The following DISC1 variants were observed in gnomAD, a reference collection of about 807,000 sequenced individuals.
The protein encoded by DISC1 is DISC1 scaffold protein.
In DISC1, 57 loss-of-function variants were observed where a neutral mutation model predicts 84.5. The observed-to-expected ratio is 0.67, with a 90% CI of 0.55 to 0.84. DISC1 has a LOEUF of 0.84. Ranked by LOEUF, DISC1 falls within the 40% of genes least tolerant of loss-of-function variation. The pLI, the probability that DISC1 is intolerant of heterozygous loss-of-function variation, is 0.00. For missense variants in DISC1, 1,000 were observed against 1,057.8 expected (o/e 0.95, Z 0.76); for synonymous variants, 411 against 415.2 (o/e 0.99, Z 0.12).
chr1:231,658,939 C>CT lies in DISC1; in HGVS notation c.67+32014dup, dbSNP rs535515269. 3.6e-3 allele frequency among the ~76,000 whole-genome samples: 542 copies of CT among 150,968 alleles called. 4 individuals are homozygous for CT. Among genetic ancestry groups the CT allele is most frequent in the African/African-American group, 0.013 (520 of 41,204 alleles). The stretch of plus-strand genomic sequence containing the variant: ...ATTAAGGATATCGGCCTGAGGTTTT[C>CT]TTTTTTTTTGTTGTATCTCTGCCAG... On this transcript the variant is annotated intron_variant, in intron 1 of 12. Transcript: ENST00000439617.
intron 1 of DISC1, among the ~76,000 whole-genome samples, chr1:231,691,802 C>T (rs992499079): frequency 1.3e-5 from 2 of 152,186 alleles, no homozygotes; most frequent in Non-Finnish European, 1.5e-5. Context: ...GAGGGCCTCT[C>T]TCTGCCCCCT....
chr1:231,867,198 T>C (rs2125938891), intron 9 of DISC1, among the ~76,000 whole-genome samples: 1 of 152,292 alleles, frequency 6.6e-6, no homozygotes, highest in South Asian at 2.1e-4. Context: ...TAATGAGGGA[T>C]ATTTTATTTA....
chr1:231,959,161 C>G (rs1198065225), intron 10 of DISC1: 9 of 1,111,904 alleles, frequency 8.1e-6, no homozygotes, highest in Non-Finnish European at 9.8e-6. Flanking sequence ...ATCTTCTTTA[C>G]TATATTAAAT....
intron 1 of DISC1, 96 bp downstream of exon 1, chr1:231,627,030 G>A: frequency 2.3e-6 from 2 of 861,466 alleles, no homozygotes; most frequent in Non-Finnish European, 3.4e-6. Flanking sequence ...GTCAGGGCGT[G>A]CCTCTGTTAA....
At chr1:231,712,966 G>A in intron 3 of DISC1, among the ~76,000 whole-genome samples, 1 of 152,142 alleles carries the variant, frequency 6.6e-6, no homozygotes, top group Admixed American at 6.5e-5. Flanking sequence ...GCATATACTT[G>A]GGGCAAGATG....
At position 231,689,292 on chromosome 1, in the gene DISC1, C is replaced by T. The variant is rs144373408; in HGVS notation, c.68-4534C>T. Among the ~76,000 whole-genome samples the T allele has an allele frequency of 3.2e-3, 480 of 151,998 alleles. 3 individuals carry two copies. The highest frequency in any genetic ancestry group is 0.01 in the African/African-American group (423 of 41,474). Reference sequence around the variant, plus strand: ...AGGAGACCTTAGAATTATTGGGGTACGGGGCAGCCAAGTGACCTGCCCAAG... The same window carrying T: ...AGGAGACCTTAGAATTATTGGGGTATGGGGCAGCCAAGTGACCTGCCCAAG... On this transcript the variant is annotated intron_variant, in intron 1 of 12. Transcript: ENST00000439617.
At position 232,035,371 on chromosome 1, in the gene DISC1, G is replaced by A. The variant is rs182427438; in HGVS notation, c.2426-1321G>A. On this transcript the variant is annotated intron_variant, in intron 12 of 12. Coordinates refer to ENST00000439617, the MANE Select transcript of DISC1 (RefSeq NM_018662.3). ...GAGGCAGGAGAATCACTTGAATCCC[G>A]GAGACGGAGGTTGCAGTGAGCCGAG... Among the ~76,000 whole-genome samples, 578 of 152,266 alleles carry A rather than the reference G, an allele frequency of 3.8e-3. 6 individuals carry two copies. Among genetic ancestry groups the A allele is most frequent in the African/African-American group, 0.013 (528 of 41,556 alleles).
intron 1 of DISC1, among the ~76,000 whole-genome samples, chr1:231,659,884 A>T (rs1056498120): frequency 2.6e-5 from 4 of 152,086 alleles, no homozygotes; most frequent in Non-Finnish European, 4.4e-5. Flanking sequence ...GGAGTGTTTT[A>T]TTTCCAATTA....
chr1:231,959,394 G>A, intron 10 of DISC1: 5 of 985,866 alleles, frequency 5.1e-6, no homozygotes, highest in Non-Finnish European at 6.0e-6. Context: ...GGATGCTGCA[G>A]CATGACAAGA....
intron 1 of DISC1, among the ~76,000 whole-genome samples, chr1:231,645,776 C>T (rs1407737642): frequency 6.6e-6 from 1 of 152,044 alleles, no homozygotes; most frequent in Non-Finnish European, 1.5e-5. Context: ...GGTTTTCTGT[C>T]CTTGCGATAG....
intron 10 of DISC1, among the ~76,000 whole-genome samples, chr1:232,002,861 T>C (rs1754604): frequency 0.29 from 43,331 of 151,944 alleles, 6,436 homozygotes; most frequent in African/African-American, 0.33. Context: ...TGAACTTACA[T>C]AAGTGATAAA....
intron 3 of DISC1, among the ~76,000 whole-genome samples, chr1:231,731,543 C>A (rs2071512720): frequency 6.6e-6 from 1 of 151,940 alleles, no homozygotes; most frequent in South Asian, 2.1e-4. Context: ...TTTAACCAGT[C>A]CTCAATTAGG....
intron 3 of DISC1, among the ~76,000 whole-genome samples, chr1:231,740,386 G>T (rs994548677): frequency 1.3e-5 from 2 of 152,202 alleles, no homozygotes; most frequent in African/African-American, 4.8e-5. Context: ...CAAAGCCGTT[G>T]CCCGGATCTG....
chr1:231,643,179 G>C (rs976110213), intron 1 of DISC1, among the ~76,000 whole-genome samples: 1 of 152,162 alleles, frequency 6.6e-6, no homozygotes, highest in Non-Finnish European at 1.5e-5. Context: ...TCAGTGCAGA[G>C]ATAATGCCAT....
chr1:231,748,092 G>A (rs910142082), intron 3 of DISC1, among the ~76,000 whole-genome samples: 2 of 151,990 alleles, frequency 1.3e-5, no homozygotes, highest in Non-Finnish European at 2.9e-5. Context: ...TTTGTATCCT[G>A]CAACTTCACT....
At chr1:231,708,524 G>A (rs561114440) in intron 3 of DISC1, among the ~76,000 whole-genome samples, 318 of 152,278 alleles carry the variant, frequency 2.1e-3, no homozygotes, top group African/African-American at 7.4e-3. Flanking sequence ...GGCTGCATAC[G>A]ACCCCCTTTG....
intron 12 of DISC1, among the ~76,000 whole-genome samples, chr1:232,035,865 G>A (rs1340378098): frequency 1.3e-5 from 2 of 152,154 alleles, no homozygotes; most frequent in African/African-American, 2.4e-5. Context: ...ACACCCAGAC[G>A]AGAACCCGTT....
intron 10 of DISC1, among the ~76,000 whole-genome samples, chr1:231,982,219 G>A (rs1042197082): frequency 5.3e-5 from 8 of 152,052 alleles, no homozygotes; most frequent in Admixed American, 2.6e-4. Flanking sequence ...TTTAAGCGTC[G>A]GTGATTGTGA....
At chr1:231,779,531 C>T (rs984252662) in intron 6 of DISC1, among the ~76,000 whole-genome samples, 3 of 139,608 alleles carry the variant, frequency 2.1e-5, no homozygotes, top group African/African-American at 8.0e-5. Context: ...AATATGTATA[C>T]TTGGTCAACC....
Sources: gnomAD v4.1 joint callset for allele counts (sites outside exome capture counted in the v4.1 genomes callset) on GRCh38, gnomAD v4.1.1 for gene constraint, MANE v1.5 for transcripts, NCBI Gene and HGNC (gene_info 2026-07-23, HGNC 2026-07-21) for gene names.